Variants in DGKI observed in about 807,000 individuals in gnomAD.
DGKI encodes the protein DAG kinase iota.
Under a neutral mutation model 147.5 loss-of-function variants are expected in DGKI, and 55 were observed. That is an observed-to-expected ratio of 0.37 (90% confidence interval 0.30 to 0.47). The LOEUF is 0.47. Among genes scored for constraint, DGKI ranks in the 20% least tolerant of loss-of-function variants. The pLI, the probability that DGKI is intolerant of heterozygous loss-of-function variation, is 1.00. For synonymous variants in DGKI, 469 were observed against 477.1 expected (o/e 0.98, Z 0.22); for missense variants, 1,007 against 1,323.8 (o/e 0.76, Z 3.71).
chr7:137,664,538 A>C (rs1237144409), intron 3 of DGKI, among the ~76,000 whole-genome samples: 1 of 152,192 alleles, frequency 6.6e-6, no homozygotes, highest in East Asian at 1.9e-4. Flanking sequence ...TATCTGATAG[A>C]AGGGCTATTT....
chr7:137,418,249 T>C (rs1812431654), intron 28 of DGKI, among the ~76,000 whole-genome samples: 1 of 152,194 alleles, frequency 6.6e-6, no homozygotes, highest in Non-Finnish European at 1.5e-5. Flanking sequence ...TCCAGTTCTA[T>C]CAGTGGAAAA....
At chr7:137,641,711 T>G (rs914235771) in intron 6 of DGKI, among the ~76,000 whole-genome samples, 4 of 152,238 alleles carry the variant, frequency 2.6e-5, no homozygotes, top group African/African-American at 9.6e-5. Context: ...GGATATTCAA[T>G]GTGTATACTG....
intron 21 of DGKI, among the ~76,000 whole-genome samples, chr7:137,504,742 C>T (rs1816307188): frequency 6.6e-6 from 1 of 151,834 alleles, no homozygotes; most frequent in African/African-American, 2.4e-5. Context: ...AAACCAATAG[C>T]CTTTTAAAAA....
intron 1 of DGKI, among the ~76,000 whole-genome samples, chr7:137,709,552 C>G (rs1794153970): frequency 1.3e-5 from 2 of 152,142 alleles, no homozygotes; most frequent in Non-Finnish European, 2.9e-5. Context: ...CCTTCGTTCT[C>G]TAGGTTATCC....
intron 28 of DGKI, among the ~76,000 whole-genome samples, chr7:137,429,551 A>T (rs1812974591): frequency 6.6e-6 from 1 of 151,682 alleles, no homozygotes; most frequent in Non-Finnish European, 1.5e-5. Context: ...AAATTGACAA[A>T]TGGGATCTAA....
intron 1 of DGKI, among the ~76,000 whole-genome samples, chr7:137,834,629 G>C (rs1462699707): frequency 1.3e-5 from 2 of 152,218 alleles, no homozygotes; most frequent in Admixed American, 6.5e-5. Flanking sequence ...TCTTGAGGAG[G>C]GGAATGGTGA....
chr7:137,645,662 G>T, intron 5 of DGKI, 125 bp from the exon 6 acceptor site: 2 of 794,948 alleles, frequency 2.5e-6, no homozygotes, highest in Non-Finnish European at 3.8e-6. Context: ...GAACTCCTCT[G>T]CTCAAGCAAT....
intron 6 of DGKI, among the ~76,000 whole-genome samples, chr7:137,638,498 ATAT>A (rs1563125353): frequency 2.5e-5 from 3 of 121,236 alleles, no homozygotes; most frequent in Non-Finnish European, 4.9e-5. Context: ...ACACACATAT[ATAT>A]GTATATATAT....
chr7:137,739,778 T>C (rs1354351264), intron 1 of DGKI, among the ~76,000 whole-genome samples: 1 of 84,106 alleles, frequency 1.2e-5, no homozygotes, highest in Non-Finnish European at 2.8e-5. Flanking sequence ...TTGTTTTTGG[T>C]CCCTGTTTTT....
intron 10 of DGKI, among the ~76,000 whole-genome samples, chr7:137,603,369 G>T (rs901982429): frequency 4.6e-5 from 7 of 152,112 alleles, no homozygotes; most frequent in African/African-American, 1.7e-4. Flanking sequence ...GCATTATCTA[G>T]ATTATAGAAA....
intron 1 of DGKI, among the ~76,000 whole-genome samples, chr7:137,760,887 T>C (rs1795839212): frequency 6.6e-6 from 1 of 152,176 alleles, no homozygotes. Flanking sequence ...CATTTCCATC[T>C]CTAGTCCAGG....
chr7:137,783,946 CA>C (rs1159174158), intron 1 of DGKI, among the ~76,000 whole-genome samples: 2 of 152,138 alleles, frequency 1.3e-5, no homozygotes, highest in African/African-American at 4.8e-5. Flanking sequence ...TTGCCACTCC[CA>C]AGTCAGCATT....
intron 1 of DGKI, among the ~76,000 whole-genome samples, chr7:137,822,154 C>T (rs1309798748): frequency 6.6e-6 from 1 of 152,154 alleles, no homozygotes; most frequent in Admixed American, 6.5e-5. Context: ...CACCTGTAAT[C>T]CCAGCACTTT....
chr7:137,622,573 C>T (rs1820787750), intron 7 of DGKI, among the ~76,000 whole-genome samples: 1 of 152,036 alleles, frequency 6.6e-6, no homozygotes, highest in Admixed American at 6.6e-5. Context: ...GCCATTGTAG[C>T]ATGAAAGTGT....
In DGKI at chr7:137,382,672, G is replaced by C. The variant is rs371118690; in HGVS notation, c.*8548C>G. 1.1e-4 allele frequency: 17 copies of C among 152,008 alleles called. No homozygotes were observed. Among genetic ancestry groups the C allele is most frequent in the East Asian group, 9.7e-4 (5 of 5,164 alleles). 9.4% of individuals were successfully genotyped at this position (152,008 alleles called of 1,614,324 possible). A position where few individuals can be genotyped will look rare whatever the true frequency, so the allele number is the denominator to read the frequency against. ...CCATGAGAATTTGTGTTACTACTAG[G>C]GTCTTCTTATTGTACTACTTTTGAG... On this transcript the variant is annotated 3_prime_UTR_variant, in exon 33 of 33. Coordinates refer to ENST00000614521, the MANE Select transcript of DGKI (RefSeq NM_001321708.2).
intron 6 of DGKI, among the ~76,000 whole-genome samples, chr7:137,641,651 G>GA (rs1377202683): frequency 2.0e-5 from 3 of 152,016 alleles, no homozygotes; most frequent in East Asian, 1.9e-4. Context: ...TCCAAAATCT[G>GA]AAAAAAATCT....
chr7:137,818,251 T>C (rs920237360), intron 1 of DGKI, among the ~76,000 whole-genome samples: 1 of 152,180 alleles, frequency 6.6e-6, no homozygotes, highest in African/African-American at 2.4e-5. Context: ...ATAATAATCC[T>C]CTAGGTCAAA....
intron 1 of DGKI, among the ~76,000 whole-genome samples, chr7:137,811,120 G>T (rs1160644727): frequency 6.6e-6 from 1 of 152,144 alleles, no homozygotes; most frequent in Non-Finnish European, 1.5e-5. Context: ...ATTGGAAGAT[G>T]CAGTGATAAA....
In DGKI at chr7:137,478,890, A is replaced by G. The variant is rs1815271690; in HGVS notation, c.2373+6484T>C. ...ACATTAAATAAATGTACAGTGACCTATTTTCCAATAGAGAGAAAAAACACA... is the reference window on the plus strand; with the variant it reads ...ACATTAAATAAATGTACAGTGACCTGTTTTCCAATAGAGAGAAAAAACACA... On this transcript the variant is annotated intron_variant, in intron 23 of 32. Transcript: ENST00000614521. 2.0e-5 allele frequency among the ~76,000 whole-genome samples: 3 copies of G among 152,142 alleles called. No individual in the cohort carries two copies. The South Asian group carries it at 6.2e-4, about 32-fold the overall frequency.
Sources: gnomAD v4.1 joint callset for allele counts (sites outside exome capture counted in the v4.1 genomes callset) on GRCh38, gnomAD v4.1.1 for gene constraint, MANE v1.5 for transcripts, NCBI Gene and HGNC (gene_info 2026-07-23, HGNC 2026-07-21) for gene names.